The following ADIPOR2 variants were observed in gnomAD, a reference collection of about 807,000 sequenced individuals.
The protein encoded by ADIPOR2 is adiponectin receptor 2.
ADIPOR2 carries 18 observed loss-of-function variants against 40.9 expected under a neutral mutation model. That is an observed-to-expected ratio of 0.44 (90% CI 0.30 to 0.65). The LOEUF (loss-of-function observed/expected upper bound fraction) is 0.65. Among genes scored for constraint, ADIPOR2 ranks in the 30% least tolerant of loss-of-function variants. ADIPOR2 has a pLI of 0.09. For synonymous variants in ADIPOR2, 165 were observed against 166.4 expected, an observed-to-expected ratio of 0.99 and a Z score of 0.06; for missense variants, 283 against 479.2, an observed-to-expected ratio of 0.59 and a Z score of 3.82.
chr12:1,712,482 C>G (rs959674369), intron 1 of ADIPOR2, among the ~76,000 whole-genome samples: 3 of 152,122 alleles, frequency 2.0e-5, no homozygotes, highest in African/African-American at 7.3e-5. Context: ...AACAGTGAGG[C>G]TAGCCTTTTG....
chr12:1,741,558 A>G (rs2094742912), intron 1 of ADIPOR2, among the ~76,000 whole-genome samples: 1 of 151,328 alleles, frequency 6.6e-6, no homozygotes, highest in Non-Finnish European at 1.5e-5. Context: ...GTTACAGAAT[A>G]TAATTTGGAA....
At chr12:1,723,743 C>G (rs977898343) in intron 1 of ADIPOR2, among the ~76,000 whole-genome samples, 1 of 151,974 alleles carries the variant, frequency 6.6e-6, no homozygotes, top group Non-Finnish European at 1.5e-5. Flanking sequence ...TATATCATTC[C>G]AAAAGCCGTG....
chr12:1,731,635 A>G (rs12312339), intron 1 of ADIPOR2, among the ~76,000 whole-genome samples: 1,799 of 152,290 alleles, frequency 0.012, 43 homozygotes, highest in African/African-American at 0.042. Flanking sequence ...TTTATTTCAC[A>G]TAGCGTACAT....
At chr12:1,704,592 A>G (rs6489323) in intron 1 of ADIPOR2, among the ~76,000 whole-genome samples, 41,432 of 152,078 alleles carry the variant, frequency 0.27, 6,267 homozygotes, top group Admixed American at 0.44. Flanking sequence ...ACTTAAATGT[A>G]TTTGGTCATC....
chr12:1,750,888 C>T (rs891713291), intron 1 of ADIPOR2, among the ~76,000 whole-genome samples: 15 of 152,080 alleles, frequency 9.9e-5, no homozygotes, highest in Admixed American at 8.5e-4. Context: ...CAAATAGTTA[C>T]AGTTTACCTT....
Position 1,780,477 on chromosome 12 carries a change from AT to A in ADIPOR2, c.491del (p.Ile164ThrfsTer26). 6.2e-7 allele frequency: 1 copy of A among 1,610,974 alleles called. No homozygotes were observed. The highest frequency in any genetic ancestry group is 8.5e-7 in the Non-Finnish European group (1 of 1,179,016). ...TTGTGTATTCTTCCTGTGCCTGGGG[AT>A]CTTTTATATGTTTCGCCCAAATATC... is the stretch of plus-strand genomic sequence containing the variant. ...LGCVFFLCLG[I>X]FYMFRPNISF... On this transcript the variant is annotated frameshift_variant, in exon 5 of 8. Coordinates refer to ENST00000357103, the MANE Select transcript of ADIPOR2 (RefSeq NM_024551.3). LOFTEE classifies it high-confidence loss of function.
intron 1 of ADIPOR2, among the ~76,000 whole-genome samples, chr12:1,729,567 C>T (rs1202229196): frequency 6.8e-6 from 1 of 147,882 alleles, no homozygotes; most frequent in African/African-American, 2.5e-5. Context: ...CCTGCATTGA[C>T]CTCCCAAAGT....
chr12:1,767,138 G>A (rs1565654474), intron 2 of ADIPOR2, among the ~76,000 whole-genome samples: 1 of 152,048 alleles, frequency 6.6e-6, no homozygotes, highest in Non-Finnish European at 1.5e-5. Flanking sequence ...GGGCGTGGTG[G>A]CAGGCGCCTA....
intron 1 of ADIPOR2, among the ~76,000 whole-genome samples, chr12:1,753,552 A>G (rs977638552): frequency 1.3e-5 from 2 of 152,254 alleles, no homozygotes; most frequent in African/African-American, 2.4e-5. Context: ...TAGTCTAGTT[A>G]GAGTTCAGAA....
At chr12:1,700,310 T>C (rs2094647690) in intron 1 of ADIPOR2, among the ~76,000 whole-genome samples, 1 of 152,244 alleles carries the variant, frequency 6.6e-6, no homozygotes, top group Admixed American at 6.5e-5. Flanking sequence ...TTGTATGTTT[T>C]GAAATTAAGT....
intron 1 of ADIPOR2, among the ~76,000 whole-genome samples, chr12:1,719,222 C>T (rs1449842310): frequency 6.6e-6 from 1 of 151,998 alleles, no homozygotes; most frequent in African/African-American, 2.4e-5. Context: ...CAATTGTAAT[C>T]ATTCTTTTTA....
intron 1 of ADIPOR2, among the ~76,000 whole-genome samples, chr12:1,702,568 A>G (rs2094652587): frequency 1.3e-5 from 2 of 152,170 alleles, no homozygotes; most frequent in East Asian, 1.9e-4. Context: ...CAAATGTTAG[A>G]TGACTATTCA....
At chr12:1,710,322 G>A (rs1293928239) in intron 1 of ADIPOR2, among the ~76,000 whole-genome samples, 1 of 151,956 alleles carries the variant, frequency 6.6e-6, no homozygotes, top group Non-Finnish European at 1.5e-5. Flanking sequence ...TCACTCTTTG[G>A]GTCCGTGCCA....
chr12:1,744,704 C>T (rs992312619), intron 1 of ADIPOR2, among the ~76,000 whole-genome samples: 1 of 152,140 alleles, frequency 6.6e-6, no homozygotes. Flanking sequence ...ATGTTCGGAA[C>T]TATTTTCATT....
At chr12:1,701,529 CTTA>C (rs2094650239) in intron 1 of ADIPOR2, among the ~76,000 whole-genome samples, 1 of 152,058 alleles carries the variant, frequency 6.6e-6, no homozygotes, top group Non-Finnish European at 1.5e-5. Flanking sequence ...ATATATTCTG[CTTA>C]TTCTATAATT....
chr12:1,699,511 C>T (rs2094646000), intron 1 of ADIPOR2, among the ~76,000 whole-genome samples: 1 of 152,098 alleles, frequency 6.6e-6, no homozygotes, highest in African/African-American at 2.4e-5. Flanking sequence ...ATTAGCCAGG[C>T]ATCATGGCCA....
At chr12:1,747,058 C>A (rs576963017) in intron 1 of ADIPOR2, among the ~76,000 whole-genome samples, 9 of 148,092 alleles carry the variant, frequency 6.1e-5, no homozygotes, top group Middle Eastern at 6.8e-3. Context: ...ACTGCCCCCC[C>A]CCAAAAAATA....
intron 2 of ADIPOR2, among the ~76,000 whole-genome samples, chr12:1,766,078 A>G (rs1862373562): frequency 6.6e-6 from 1 of 152,190 alleles, no homozygotes; most frequent in African/African-American, 2.4e-5. Flanking sequence ...CTTAAGCAGC[A>G]TGTAGTTTAG....
At chr12:1,706,135 A>G (rs1256347990) in intron 1 of ADIPOR2, among the ~76,000 whole-genome samples, 4 of 152,224 alleles carry the variant, frequency 2.6e-5, no homozygotes, top group South Asian at 4.1e-4. Flanking sequence ...GCAGTGTTGT[A>G]TAATAGGCCA....
Sources: allele counts gnomAD v4.1 joint callset (sites outside exome capture counted in the v4.1 genomes callset), GRCh38; gene constraint gnomAD v4.1.1; transcripts MANE v1.5; gene names NCBI Gene and HGNC (gene_info 2026-07-23, HGNC 2026-07-21).